The following CFAP58 variants were observed in gnomAD, a reference collection of about 807,000 sequenced individuals.
CFAP58 encodes the protein cilia and flagella associated protein 58, also known as cilia- and flagella-associated protein 58.
Under a neutral mutation model 119.5 loss-of-function variants are expected in CFAP58, and 88 were observed. The ratio of observed to expected loss-of-function variants is 0.74; its 90% CI spans 0.62 to 0.88. CFAP58 has a LOEUF of 0.88. Ranked by LOEUF, CFAP58 falls within the 40% of genes least tolerant of loss-of-function variation. The pLI, the probability that CFAP58 is intolerant of heterozygous loss-of-function variation, is 0.00. For missense variants in CFAP58, 990 were observed against 1,021.2 expected (o/e 0.97, Z 0.42); for synonymous variants, 365 against 366.3 (o/e 1.00, Z 0.04).
At chr10:104,357,799 A>ACACACATATATATG (rs1564875275) in intron 1 of CFAP58, among the ~76,000 whole-genome samples, 5 of 145,718 alleles carry the variant, frequency 3.4e-5, no homozygotes, top group African/African-American at 5.6e-5. Context: ...ATACATATAT[A>ACACACATATATATG]TACACACATA....
the CFAP58 span, among the ~76,000 whole-genome samples, chr10:104,338,606 C>T: frequency 6.6e-6 from 1 of 152,178 alleles, no homozygotes; most frequent in Non-Finnish European, 1.5e-5. Flanking sequence ...CAGTGAGCCC[C>T]CAGAAACTTC....
At chr10:104,384,203 C>T (rs892444233) in intron 9 of CFAP58, among the ~76,000 whole-genome samples, 1 of 152,180 alleles carries the variant, frequency 6.6e-6, no homozygotes, top group African/African-American at 2.4e-5. Context: ...TAGAGTTTGT[C>T]TCCAGTTTTG....
Position 104,362,070 on chromosome 10 carries a change from G to A in CFAP58, c.339G>A (p.Glu113=), listed in dbSNP as rs768902324. ...TGGTGGACTCAGCCTATGACAAAGA[G>A]CAGAAGGCCAAGGAGACGATTCTTG... The part of the protein sequence containing the change: ...WKMVDSAYDK[E]QKAKETILAL... Residue 113 remains glutamate (E), a synonymous_variant, in exon 3 of 18, where the codon GAG becomes GAA. Transcript: ENST00000369704. The A allele has an allele frequency of 1.2e-6, 2 of 1,614,118 alleles. No individual in the cohort carries two copies. Among genetic ancestry groups the A allele is most frequent in the Non-Finnish European group, 8.5e-7 (1 of 1,179,998 alleles).
In CFAP58 at chr10:104,432,526, C is replaced by T. The variant is rs1487973636; in HGVS notation, c.2257-15172C>T. Among the ~76,000 whole-genome samples the T allele has an allele frequency of 6.7e-5, 10 of 149,232 alleles. No individual in the cohort carries two copies. In the East Asian group the frequency reaches 2.0e-3, roughly 29 times the overall value. ...TAGGCACTTTTTTTTTTTTTTGAGA[C>T]GGAGTCTCGCTCTGTCACCAGGCTA... On this transcript the variant is annotated intron_variant, in intron 15 of 17. Coordinates refer to ENST00000369704, the MANE Select transcript of CFAP58 (RefSeq NM_001008723.2).
At chr10:104,399,956 G>A (rs987304275) in intron 12 of CFAP58, among the ~76,000 whole-genome samples, 11 of 152,002 alleles carry the variant, frequency 7.2e-5, no homozygotes, top group Non-Finnish European at 1.5e-4. Context: ...CATAATTTGG[G>A]GGTTAGAAAT....
intron 1 of CFAP58, 61 bp downstream of exon 1, chr10:104,353,967 A>T: frequency 6.9e-6 from 11 of 1,583,300 alleles, no homozygotes; most frequent in Non-Finnish European, 7.8e-6. Context: ...TCCCTCTCCT[A>T]CTGACGATTG....
intron 6 of CFAP58, among the ~76,000 whole-genome samples, chr10:104,369,360 C>T (rs1327103226): frequency 6.6e-6 from 1 of 152,180 alleles, no homozygotes; most frequent in East Asian, 1.9e-4. Flanking sequence ...TTGCATGCAT[C>T]CCAGAAATAG....
intron 15 of CFAP58, among the ~76,000 whole-genome samples, chr10:104,414,161 A>C (rs1171786649): frequency 6.6e-6 from 1 of 152,170 alleles, no homozygotes; most frequent in East Asian, 1.9e-4. Flanking sequence ...AGCTAATGGC[A>C]GGCTGATTTG....
Position 104,392,374 on chromosome 10 carries a change from A to G in CFAP58, c.1507A>G (p.Lys503Glu). The G allele has an allele frequency of 6.3e-7, 1 of 1,592,922 alleles. No homozygotes were observed. The highest frequency in any genetic ancestry group is 2.3e-5 in the East Asian group (1 of 44,376). ...GAGATCAGACAGAAATCTGTATAGC[A>G]AAAATCTGGTTGAGGCTCAGGTAAA... Reference protein sequence around the residue: ...AVRSDRNLYSKNLVEAQDEIT... With the variant: ...AVRSDRNLYSENLVEAQDEIT... The change falls in exon 10 of 18, where the codon AAA (lysine) becomes GAA (glutamate). Residue 503 changes from lysine to glutamate, a missense_variant. Coordinates refer to ENST00000369704, the MANE Select transcript of CFAP58 (RefSeq NM_001008723.2).
At chr10:104,431,848 A>G (rs2012852648) in intron 15 of CFAP58, among the ~76,000 whole-genome samples, 1 of 152,174 alleles carries the variant, frequency 6.6e-6, no homozygotes, top group South Asian at 2.1e-4. Context: ...ATGCATTATT[A>G]TTCATTTTCT....
At chr10:104,386,983 G>T (rs1026112554) in intron 9 of CFAP58, among the ~76,000 whole-genome samples, 1 of 152,156 alleles carries the variant, frequency 6.6e-6, no homozygotes, top group African/African-American at 2.4e-5. Context: ...TTGCCTTCGT[G>T]TTCTTTCTTG....
chr10:104,436,523 G>A (rs1437062748), intron 15 of CFAP58, among the ~76,000 whole-genome samples: 1 of 152,096 alleles, frequency 6.6e-6, no homozygotes, highest in Non-Finnish European at 1.5e-5. Flanking sequence ...AAGGTGAAGC[G>A]GGAGTAGGCA....
At chr10:104,443,861 T>C (rs1159894679) in intron 15 of CFAP58, among the ~76,000 whole-genome samples, 1 of 152,196 alleles carries the variant, frequency 6.6e-6, no homozygotes, top group Non-Finnish European at 1.5e-5. Context: ...AAGCTAATAC[T>C]GTAATTAATT....
upstream of CFAP58, chr10:104,351,555 C>G (rs956135492): frequency 1.3e-5 from 2 of 152,170 alleles, no homozygotes; most frequent in Admixed American, 1.3e-4. Context: ...TTGGAAACTT[C>G]CCCAAACCAA....
Position 104,365,881 on chromosome 10 carries a change from A to C in CFAP58, c.665A>C (p.Glu222Ala), listed in dbSNP as rs754274062. ...GAGTTCCGGAAGAAGGAAAAACTAG[A>C]GAAAGAGCTCAAGCAGATTCAGGCA... ...SREFRKKEKL[E>A]KELKQIQADM... Residue 222 changes from glutamate (E) to alanine (A), a missense_variant, in exon 5 of 18, where the codon GAG (glutamate) becomes GCG (alanine). By Grantham distance (107) the Glu-to-Ala change is moderately radical. Transcript: ENST00000369704. 1.2e-6 allele frequency: 2 copies of C among 1,613,540 alleles called. No individual in the cohort carries two copies. The highest frequency in any genetic ancestry group is 3.3e-5 in the Admixed American group (2 of 59,962).
At chr10:104,346,633 C>CTTTTTTTTT in the CFAP58 span, among the ~76,000 whole-genome samples, 28 of 101,122 alleles carry the variant, frequency 2.8e-4, 2 homozygotes, top group African/African-American at 6.5e-4. Flanking sequence ...GCCATTTAGT[C>CTTTTTTTTT]TTTTTTTTTT....
chr10:104,438,334 GTTT>G (rs1564904693), intron 15 of CFAP58, among the ~76,000 whole-genome samples: 1 of 111,370 alleles, frequency 9.0e-6, no homozygotes, highest in African/African-American at 3.7e-5. Context: ...TTGTTTTTTT[GTTT>G]TTTGTTTTTT....
intron 15 of CFAP58, among the ~76,000 whole-genome samples, chr10:104,425,677 G>T (rs990347147): frequency 1.3e-5 from 2 of 152,154 alleles, no homozygotes; most frequent in Non-Finnish European, 2.9e-5. Flanking sequence ...TGGCAGAGTC[G>T]GGGCCCAAAC....
In CFAP58 at chr10:104,421,031, G is replaced by A. The variant is rs116432026; in HGVS notation, c.2256+14238G>A. On this transcript the variant is annotated intron_variant, in intron 15 of 17. Coordinates refer to ENST00000369704, the MANE Select transcript of CFAP58 (RefSeq NM_001008723.2). The stretch of plus-strand genomic sequence containing the variant: ...GCCTGCCAAAGTGCTGGAATTACAC[G>A]CATGAGCCACCGCACCTGGCCTCCT... Among the ~76,000 whole-genome samples, 471 of 152,248 alleles carry A rather than the reference G, an allele frequency of 3.1e-3. 1 individual carries two copies. Among genetic ancestry groups the A allele is most frequent in the African/African-American group, 0.011 (453 of 41,540 alleles).
Sources: gnomAD v4.1 joint callset for allele counts (sites outside exome capture counted in the v4.1 genomes callset) on GRCh38, gnomAD v4.1.1 for gene constraint, MANE v1.5 for transcripts, NCBI Gene and HGNC (gene_info 2026-07-23, HGNC 2026-07-21) for gene names.